The following PPP2R2C variants were observed in gnomAD, a reference collection of about 807,000 sequenced individuals.
PPP2R2C encodes the protein protein phosphatase 2, regulatory subunit B, gamma.
A neutral mutation model predicts 45.3 loss-of-function variants in PPP2R2C; 10 were observed. The observed-to-expected ratio is 0.22, with a 90% CI of 0.14 to 0.37. The LOEUF (loss-of-function observed/expected upper bound fraction) is 0.37, where lower values mean the gene tolerates loss of function less well. Among genes scored for constraint, PPP2R2C ranks in the 10% least tolerant of loss-of-function variants. PPP2R2C has a pLI of 1.00. For missense variants in PPP2R2C, 308 were observed against 619.7 expected, an observed-to-expected ratio of 0.50 and a Z score of 5.34; for synonymous variants, 257 against 245.4, an observed-to-expected ratio of 1.05 and a Z score of -0.44.
chr4:6,551,604 C>T (rs1338894031), intron 1 of PPP2R2C, among the ~76,000 whole-genome samples: 1 of 152,228 alleles, frequency 6.6e-6, no homozygotes, highest in African/African-American at 2.4e-5. Flanking sequence ...ACACAACTGC[C>T]ATCTTGTTCC....
At chr4:6,379,692 C>T (rs1047288957) in intron 2 of PPP2R2C, among the ~76,000 whole-genome samples, 2 of 152,216 alleles carry the variant, frequency 1.3e-5, no homozygotes, top group Non-Finnish European at 2.9e-5. Context: ...AGGTGCTGGC[C>T]GAGTGCTGTG....
At chr4:6,419,549 C>G (rs556610106) in intron 1 of PPP2R2C, among the ~76,000 whole-genome samples, 1 of 152,312 alleles carries the variant, frequency 6.6e-6, no homozygotes, top group Non-Finnish European at 1.5e-5. Flanking sequence ...ATCGAACTTG[C>G]TCTGAGCCCA....
intron 1 of PPP2R2C, among the ~76,000 whole-genome samples, chr4:6,405,945 AG>A (rs371886751): frequency 6.6e-6 from 1 of 152,122 alleles, no homozygotes; most frequent in Admixed American, 6.5e-5. Flanking sequence ...TCCTGGCAGC[AG>A]GGGGGTCTCT....
chr4:6,366,138 C>T (rs915095486), intron 5 of PPP2R2C, among the ~76,000 whole-genome samples: 8 of 152,216 alleles, frequency 5.3e-5, no homozygotes, highest in African/African-American at 1.2e-4. Context: ...ATAAACCATC[C>T]TCTTGCTGGG....
intron 1 of PPP2R2C, among the ~76,000 whole-genome samples, chr4:6,422,883 T>C (rs1577170959): frequency 6.6e-6 from 1 of 152,224 alleles, no homozygotes; most frequent in Non-Finnish European, 1.5e-5. Context: ...GTATATGTCA[T>C]GCTTACTTGA....
In PPP2R2C at chr4:6,448,830, G is replaced by T. The variant is rs576287250; in HGVS notation, c.70+23330C>A. The stretch of plus-strand genomic sequence containing the variant: ...GGCCACCACCCCAAGGGGACGTGCT[G>T]CAATGAGCCACCTGCACGAAGGCTC... On this transcript the variant is annotated intron_variant, in intron 1 of 8. Transcript: ENST00000382599. 3.3e-5 allele frequency among the ~76,000 whole-genome samples: 5 copies of T among 152,312 alleles called. No homozygotes were observed. The East Asian group carries it at 7.8e-4, about 24-fold the overall frequency.
At chr4:6,337,110 GTGTATATATA>G (rs1221131230) in intron 6 of PPP2R2C, among the ~76,000 whole-genome samples, 502 of 41,474 alleles carry the variant, frequency 0.012, 29 homozygotes, top group African/African-American at 0.015. Flanking sequence ...GTATGTGTGT[GTGTATATATA>G]TATATATATA....
intron 1 of PPP2R2C, among the ~76,000 whole-genome samples, chr4:6,446,278 CA>C (rs1240909598): frequency 1.3e-5 from 2 of 152,156 alleles, no homozygotes; most frequent in Non-Finnish European, 2.9e-5. Flanking sequence ...TTCCCTCCCC[CA>C]CACCGACACA....
intron 1 of PPP2R2C, among the ~76,000 whole-genome samples, chr4:6,554,472 C>T (rs1468703335): frequency 6.6e-6 from 1 of 152,192 alleles, no homozygotes; most frequent in East Asian, 1.9e-4. Context: ...TTTCTTCAAG[C>T]CACTCTGTGT....
Position 6,348,886 on chromosome 4 carries a change from G to C in PPP2R2C, c.626-876C>G, listed in dbSNP as rs1443961481. On this transcript the variant is annotated intron_variant, in intron 5 of 8. Transcript: ENST00000382599. ...CCAATAAATGTCCATTTTTTGTTTA[G>C]AGTCAAGAACTTTGCTGCTTGCAAA... is the stretch of plus-strand genomic sequence containing the variant. 4 of 736,930 alleles carry C rather than the reference G, an allele frequency of 5.4e-6. No homozygotes were observed. The African/African-American group carries it at 5.7e-5, about 11-fold the overall frequency. 45.6% of individuals were successfully genotyped at this position (736,930 alleles called of 1,614,324 possible). A position where few individuals can be genotyped will look rare whatever the true frequency, so the allele number is the denominator to read the frequency against.
At chr4:6,538,047 C>T (rs752680530) in intron 1 of PPP2R2C, among the ~76,000 whole-genome samples, 7 of 151,698 alleles carry the variant, frequency 4.6e-5, no homozygotes, top group Non-Finnish European at 8.8e-5. Context: ...GATGGTTGCA[C>T]GACAATAGGA....
At chr4:6,341,351 A>C (rs1372351099) in intron 6 of PPP2R2C, among the ~76,000 whole-genome samples, 4 of 151,832 alleles carry the variant, frequency 2.6e-5, no homozygotes, top group Non-Finnish European at 5.9e-5. Context: ...AAAAAAAAAA[A>C]AAAAAAACCC....
rs533674254 is a variant in PPP2R2C, at chr4:6,345,270, T to C, written c.790+2576A>G. ...AGACCTGGCTGTACACAGGCACAGC[T>C]GGAGGCACATGTGGCCTGAGTGAAT... On this transcript the variant is annotated intron_variant, in intron 6 of 8. Transcript: ENST00000382599. The surrounding 1 kb of genome is among the most constrained non-coding windows in gnomAD (Gnocchi z 5.3). 6.6e-6 allele frequency among the ~76,000 whole-genome samples: 1 copy of C among 152,266 alleles called. No individual in the cohort carries two copies. Among genetic ancestry groups the C allele is most frequent in the African/African-American group, 2.4e-5 (1 of 41,544 alleles).
chr4:6,520,328 G>T (rs182205514), intron 2 of PPP2R2C, among the ~76,000 whole-genome samples: 3 of 152,118 alleles, frequency 2.0e-5, no homozygotes, highest in African/African-American at 7.2e-5. Flanking sequence ...ATTACCGCAG[G>T]GGGTAGCATG....
chr4:6,404,789 G>A (rs1183443086), intron 1 of PPP2R2C, among the ~76,000 whole-genome samples: 3 of 152,204 alleles, frequency 2.0e-5, no homozygotes, highest in Admixed American at 6.5e-5. Context: ...CAGGGCACCC[G>A]CAAATGGCAG....
chr4:6,388,238 C>T (rs1466912925), intron 1 of PPP2R2C, among the ~76,000 whole-genome samples: 1 of 152,186 alleles, frequency 6.6e-6, no homozygotes. Context: ...CAGCCAGCCC[C>T]CTGGTGCTGG....
At chr4:6,439,456 G>T (rs1034612352) in intron 1 of PPP2R2C, among the ~76,000 whole-genome samples, 10 of 152,132 alleles carry the variant, frequency 6.6e-5, no homozygotes, top group Admixed American at 5.9e-4. Context: ...ATTCAAAATA[G>T]CTCATTTCCA....
intron 6 of PPP2R2C, among the ~76,000 whole-genome samples, chr4:6,340,574 A>C (rs1577081789): frequency 1.4e-5 from 2 of 138,930 alleles, no homozygotes; most frequent in African/African-American, 2.7e-5. Context: ...AGCAGGCCCC[A>C]CCTGCCATGG....
At chr4:6,392,995 G>A (rs763323816) in intron 1 of PPP2R2C, among the ~76,000 whole-genome samples, 26 of 152,214 alleles carry the variant, frequency 1.7e-4, no homozygotes, top group Middle Eastern at 6.3e-3. Context: ...GGTCTATGAG[G>A]AAAGGCGTTG....
Sources: gnomAD v4.1 joint callset for allele counts (sites outside exome capture counted in the v4.1 genomes callset) on GRCh38, gnomAD v4.1.1 for gene constraint, Gnocchi (gnomAD v3.1) non-coding constraint, MANE v1.5 for transcripts, NCBI Gene and HGNC (gene_info 2026-07-23, HGNC 2026-07-21) for gene names.